ANK1: variants seen among roughly 807,000 people sequenced by gnomAD.
ANK1 encodes ankyrin-1.
A neutral mutation model predicts 210.4 loss-of-function variants in ANK1; 51 were observed. The ratio of observed to expected loss-of-function variants is 0.24; its 90% CI spans 0.19 to 0.31. The LOEUF (loss-of-function observed/expected upper bound fraction) is 0.31, where lower values mean the gene tolerates loss of function less well. Among genes scored for constraint, ANK1 ranks in the 10% least tolerant of loss-of-function variants. The pLI, the probability that ANK1 is intolerant of heterozygous loss-of-function variation, is 1.00. For synonymous variants in ANK1, 967 were observed against 1,025.9 expected, an observed-to-expected ratio of 0.94 and a Z score of 1.10; for missense variants, 2,051 against 2,504.4, an observed-to-expected ratio of 0.82 and a Z score of 3.86.
intron 2 of ANK1, among the ~76,000 whole-genome samples, chr8:41,751,503 CT>C: frequency 1.3e-5 from 2 of 152,328 alleles, no homozygotes; most frequent in South Asian, 2.1e-4. Context: ...TTCACAGTGG[CT>C]GTTGAGCTGA....
At chr8:41,895,901 G>GCCCC (rs386412644) in intron 1 of ANK1, among the ~76,000 whole-genome samples, 227 of 149,990 alleles carry the variant, frequency 1.5e-3, no homozygotes, top group African/African-American at 5.3e-3. Context: ...GGGCAGAGCT[G>GCCCC]CCCCCCCCCG....
intron 1 of ANK1, among the ~76,000 whole-genome samples, chr8:41,836,188 C>T (rs1295324566): frequency 6.6e-6 from 1 of 152,242 alleles, no homozygotes; most frequent in African/African-American, 2.4e-5. Context: ...CAGCATCTCA[C>T]GGGACGTGCC....
intron 22 of ANK1, among the ~76,000 whole-genome samples, chr8:41,700,218 T>G (rs1157055589): frequency 6.6e-6 from 1 of 152,176 alleles, no homozygotes; most frequent in Non-Finnish European, 1.5e-5. Flanking sequence ...CACGGTGGCA[T>G]GGGCACAGAC....
chr8:41,871,643 A>C lies in ANK1; in HGVS notation c.126+24712T>G, dbSNP rs1815523058. Among the ~76,000 whole-genome samples, 3 of 152,126 alleles carry C rather than the reference A, an allele frequency of 2.0e-5. No homozygotes were observed. In the South Asian group the frequency reaches 6.2e-4, roughly 32 times the overall value. ...CTGGACATGTGCTCTCCCACAGTCC[A>C]CCAAAGGAGCCGACCCTGCTGACAC... On this transcript the variant is annotated intron_variant, in intron 1 of 42. Transcript: ENST00000265709.
rs142807612 is a variant in ANK1, at chr8:41,831,100, G to A, written c.126+65255C>T. Among the ~76,000 whole-genome samples, 156 of 152,308 alleles carry A rather than the reference G, an allele frequency of 1.0e-3. No individual in the cohort carries two copies. In the East Asian group the frequency reaches 0.028, roughly 28 times the overall value. ...CAGACGAAAGCACAGCGGCCTGGGA[G>A]ACAGGAGACGAGGCTCCGCCTGGAC... On this transcript the variant is annotated intron_variant, in intron 1 of 42. Coordinates refer to the ANK1 transcript ENST00000265709.
chr8:41,750,728 G>T (rs1837504201), intron 2 of ANK1, among the ~76,000 whole-genome samples: 4 of 152,130 alleles, frequency 2.6e-5, no homozygotes, highest in Non-Finnish European at 5.9e-5. Flanking sequence ...GCATATGAAG[G>T]CACGCAGTAA....
intron 37 of ANK1, among the ~76,000 whole-genome samples, chr8:41,673,628 A>G (rs995834087): frequency 6.6e-6 from 1 of 152,188 alleles, no homozygotes; most frequent in African/African-American, 2.4e-5. Context: ...AAGAGGCACC[A>G]GGTCTGCCCG....
chr8:41,704,239 T>C lies in ANK1; in HGVS notation c.2197-100A>G. 6 of 1,361,950 alleles carry C rather than the reference T, an allele frequency of 4.4e-6. No individual in the cohort carries two copies. In the South Asian group the frequency reaches 7.0e-5, roughly 16 times the overall value. 84.4% of individuals were successfully genotyped at this position (1,361,950 alleles called of 1,614,324 possible). ...GCCCATCTTCGAAGTGGGACATTAA[T>C]GAAATGCATTTTCCCCCTTTCTTCC... On this transcript the variant is annotated intron_variant, in intron 19 of 42. Coordinates refer to ENST00000289734, the MANE Select transcript of ANK1 (RefSeq NM_000037.4). This position sits in a 1 kb window ranked among gnomAD's most constrained non-coding sequence, Gnocchi z 4.1.
chr8:41,723,491 G>T (rs772727199), intron 8 of ANK1, 44 bp downstream of exon 8: 9 of 1,602,282 alleles, frequency 5.6e-6, no homozygotes. Flanking sequence ...TGTGAGGGGG[G>T]ACCTCCCTCC....
At chr8:41,827,388 GTCTTAGACTGCTC>G (rs1805574720) in intron 1 of ANK1, among the ~76,000 whole-genome samples, 1 of 152,194 alleles carries the variant, frequency 6.6e-6, no homozygotes, top group African/African-American at 2.4e-5. Context: ...GACTGCGAGC[GTCTTAGACTGCTC>G]TCTGAGTTGG....
At chr8:41,792,426 A>T (rs952834492) in intron 1 of ANK1, among the ~76,000 whole-genome samples, 4 of 152,200 alleles carry the variant, frequency 2.6e-5, no homozygotes, top group Non-Finnish European at 2.9e-5. Flanking sequence ...ACATTTTCCT[A>T]ACAGCCAAAG....
chr8:41,744,901 C>G (rs1024406961), intron 2 of ANK1, among the ~76,000 whole-genome samples: 1 of 152,194 alleles, frequency 6.6e-6, no homozygotes, highest in African/African-American at 2.4e-5. Flanking sequence ...ATCAGACAGA[C>G]AGCTGAGGCT....
At chr8:41,793,459 G>T (rs930843065) in intron 1 of ANK1, among the ~76,000 whole-genome samples, 1 of 152,220 alleles carries the variant, frequency 6.6e-6, no homozygotes, top group Non-Finnish European at 1.5e-5. Context: ...AGTCTACACT[G>T]TCCTAAGAAC....
chr8:41,894,867 C>T (rs2150840311), intron 1 of ANK1, among the ~76,000 whole-genome samples: 1 of 151,448 alleles, frequency 6.6e-6, no homozygotes, highest in African/African-American at 2.4e-5. Flanking sequence ...CTCGGTGGCA[C>T]CAACCCAAAC....
chr8:41,661,474 T>G lies in ANK1; in HGVS notation c.5635A>C (p.Lys1879Gln), dbSNP rs1395483104. The G allele has an allele frequency of 1.9e-6, 3 of 1,613,894 alleles. No individual in the cohort carries two copies. Among genetic ancestry groups the G allele is most frequent in the East Asian group, 4.5e-5 (2 of 44,868 alleles). Residue 1879 changes from lysine (K) to glutamine (Q), a missense_variant, in exon 42 of 43, where the codon AAA becomes CAA. By Grantham distance (53) the Lys-to-Gln change is moderately conservative (BLOSUM62 1). Coordinates refer to ENST00000289734, the MANE Select transcript of ANK1 (RefSeq NM_000037.4). ...AGGAGAGCGGCTCGGGGTCACTGTT[T>G]CCCCCTTTTCAGGCTGGCCCGCTTC... is the stretch of plus-strand genomic sequence containing the variant. The part of the protein sequence containing the change: ...IVKRASLKRG[K>Q]Q
chr8:41,763,421 C>A (rs1840911165), intron 1 of ANK1, among the ~76,000 whole-genome samples: 1 of 152,086 alleles, frequency 6.6e-6, no homozygotes, highest in African/African-American at 2.4e-5. Context: ...TAATTATTAT[C>A]CCCATTTTAG....
At position 41,896,053 on chromosome 8, in the gene ANK1, G is replaced by C. The variant is rs959738230; in HGVS notation, c.126+302C>G. 2.6e-5 allele frequency among the ~76,000 whole-genome samples: 4 copies of C among 152,230 alleles called. No homozygotes were observed. The East Asian group carries it at 7.7e-4, about 29-fold the overall frequency. On this transcript the variant is annotated intron_variant, in intron 1 of 42. Transcript: ENST00000265709. ...GAAAGTTGGTCCTAGAGCAGCGCGG[G>C]CCTGCCGGGTGCTGTCCAAGGTGCT...
intron 1 of ANK1, among the ~76,000 whole-genome samples, chr8:41,819,122 AC>A (rs1469178684): frequency 6.6e-6 from 1 of 152,066 alleles, no homozygotes; most frequent in African/African-American, 2.4e-5. Flanking sequence ...AAAAACAGCA[AC>A]CCTCTTCTGG....
intron 18 of ANK1, 150 bp downstream of exon 18, chr8:41,705,993 T>C (rs1824461894): frequency 4.0e-6 from 3 of 756,074 alleles, no homozygotes; most frequent in Non-Finnish European, 6.8e-6. Flanking sequence ...TAATTAGGAG[T>C]AGTGTTTTCA....
Sources: allele counts gnomAD v4.1 joint callset (sites outside exome capture counted in the v4.1 genomes callset), GRCh38; gene constraint gnomAD v4.1.1; non-coding constraint Gnocchi (gnomAD v3.1); transcripts MANE v1.5; gene names NCBI Gene and HGNC (gene_info 2026-07-23, HGNC 2026-07-21).